NCOA7: variants seen among roughly 807,000 people sequenced by gnomAD.
The protein encoded by NCOA7 is nuclear receptor coactivator 7, also known as 140 kDa estrogen receptor-associated protein.
A neutral mutation model predicts 104.3 loss-of-function variants in NCOA7; 45 were observed. That is an observed-to-expected ratio of 0.43 (90% confidence interval 0.34 to 0.55). NCOA7 has a LOEUF of 0.55. Among genes scored for constraint, NCOA7 ranks in the 20% least tolerant of loss-of-function variants. The pLI is 0.02. For synonymous variants in NCOA7, 398 were observed against 402.3 expected, an observed-to-expected ratio of 0.99 and a Z score of 0.13; for missense variants, 1,041 against 1,119.7, an observed-to-expected ratio of 0.93 and a Z score of 1.00.
At chr6:125,792,416 A>C (rs907136276) in intron 1 of NCOA7, among the ~76,000 whole-genome samples, 1 of 152,222 alleles carries the variant, frequency 6.6e-6, no homozygotes, top group African/African-American at 2.4e-5. Context: ...AATCATGCCA[A>C]CTTCAACTGT....
intron 2 of NCOA7, among the ~76,000 whole-genome samples, chr6:125,834,979 A>G (rs1030930176): frequency 5.3e-5 from 8 of 152,204 alleles, no homozygotes; most frequent in African/African-American, 1.9e-4. Context: ...TCTGGAGATG[A>G]ATACATAGCT....
intron 10 of NCOA7, among the ~76,000 whole-genome samples, chr6:125,893,739 A>C (rs1165334163): frequency 6.6e-6 from 1 of 152,190 alleles, no homozygotes; most frequent in Non-Finnish European, 1.5e-5. Context: ...TAGAGATGTG[A>C]AGTAGTTAAA....
intron 1 of NCOA7, among the ~76,000 whole-genome samples, chr6:125,785,763 A>G (rs573227667): frequency 3.1e-4 from 47 of 152,364 alleles, no homozygotes; most frequent in African/African-American, 1.1e-3. Context: ...TCAAAAGCAG[A>G]TATTTTTAAA....
intron 1 of NCOA7, among the ~76,000 whole-genome samples, chr6:125,813,240 A>G (rs564997627): frequency 6.6e-6 from 1 of 152,136 alleles, no homozygotes; most frequent in African/African-American, 2.4e-5. Context: ...GGCCTCTGAC[A>G]AGGTGCAGTG....
chr6:125,828,316 A>G (rs1223687335), intron 2 of NCOA7, among the ~76,000 whole-genome samples: 2 of 152,248 alleles, frequency 1.3e-5, no homozygotes, highest in Non-Finnish European at 2.9e-5. Context: ...GAGGTAAATT[A>G]AGATGAGGAC....
intron 2 of NCOA7, among the ~76,000 whole-genome samples, chr6:125,832,777 G>T (rs1779294041): frequency 1.3e-5 from 2 of 152,228 alleles, no homozygotes; most frequent in Admixed American, 1.3e-4. Flanking sequence ...CTGGGGAAGT[G>T]CTGCTACAAA....
intron 2 of NCOA7, among the ~76,000 whole-genome samples, chr6:125,822,896 C>G (rs1778313461): frequency 6.7e-6 from 1 of 150,126 alleles, no homozygotes; most frequent in South Asian, 2.1e-4. Flanking sequence ...GATTGCTCTA[C>G]TGCCCTCCAG....
chr6:125,906,446 G>T (rs922069959), intron 10 of NCOA7, among the ~76,000 whole-genome samples: 8 of 152,148 alleles, frequency 5.3e-5, no homozygotes, highest in Non-Finnish European at 1.0e-4. Context: ...GCCAAGATTA[G>T]CTGCCTTTGT....
At chr6:125,804,389 C>G (rs1741383615) in intron 1 of NCOA7, among the ~76,000 whole-genome samples, 1 of 152,162 alleles carries the variant, frequency 6.6e-6, no homozygotes, top group African/African-American at 2.4e-5. Flanking sequence ...AGAAACTCCA[C>G]TGTGGGTGAG....
intron 1 of NCOA7, among the ~76,000 whole-genome samples, chr6:125,814,697 G>C (rs564893642): frequency 4.2e-4 from 64 of 152,236 alleles, no homozygotes; most frequent in Non-Finnish European, 7.1e-4. Flanking sequence ...GGTGAGGGTC[G>C]CAGGGGTGGA....
chr6:125,801,579 G>A (rs776086455), intron 1 of NCOA7, among the ~76,000 whole-genome samples: 15 of 152,226 alleles, frequency 9.9e-5, no homozygotes, highest in Non-Finnish European at 1.9e-4. Flanking sequence ...CTGGAAGCTA[G>A]ATGTTCAAAA....
At chr6:125,891,292 G>T (rs565051893) in intron 10 of NCOA7, among the ~76,000 whole-genome samples, 4 of 152,268 alleles carry the variant, frequency 2.6e-5, no homozygotes, top group African/African-American at 4.8e-5. Context: ...ATAGTCTCAA[G>T]GGTTGTATAC....
At chr6:125,845,715 C>A (rs1413964641) in intron 2 of NCOA7, among the ~76,000 whole-genome samples, 1 of 152,130 alleles carries the variant, frequency 6.6e-6, no homozygotes, top group Non-Finnish European at 1.5e-5. Flanking sequence ...TGCAGTGAGC[C>A]AAGATCGCGC....
chr6:125,796,841 G>C (rs112044427), intron 1 of NCOA7: 10,104 of 152,088 alleles, frequency 0.066, 398 homozygotes, highest in Middle Eastern at 0.092. Context: ...TTTTAGTAGA[G>C]ACAGGATTTC....
At chr6:125,891,377 G>C (rs1373668046) in intron 10 of NCOA7, among the ~76,000 whole-genome samples, 1 of 152,184 alleles carries the variant, frequency 6.6e-6, no homozygotes, top group Non-Finnish European at 1.5e-5. Flanking sequence ...GGATAGGAGG[G>C]ATAGTGGCAT....
chr6:125,899,490 G>A (rs970248944), intron 10 of NCOA7, among the ~76,000 whole-genome samples: 17 of 152,070 alleles, frequency 1.1e-4, no homozygotes, highest in African/African-American at 4.1e-4. Context: ...TACAAACCCT[G>A]TGATTCGTAA....
chr6:125,799,968 A>G (rs1775735382), intron 1 of NCOA7, among the ~76,000 whole-genome samples: 1 of 152,206 alleles, frequency 6.6e-6, no homozygotes, highest in African/African-American at 2.4e-5. Context: ...TTAGGTTCTC[A>G]GTCTTACAGA....
At position 125,928,347 on chromosome 6, in the gene NCOA7, T is replaced by C. The variant is rs969411537; in HGVS notation, c.2693+100T>C. The stretch of plus-strand genomic sequence containing the variant: ...TAGTTAAAACTTCGGTGTCAGGTTA[T>C]TTTAGCTAGTCCATGTGCTTAGATG... On this transcript the variant is annotated intron_variant, in intron 15 of 15. Transcript: ENST00000392477. The C allele has an allele frequency of 2.9e-6, 3 of 1,051,256 alleles. No individual in the cohort carries two copies. In the African/African-American group the frequency reaches 4.8e-5, roughly 17 times the overall value. The allele number at this position is 1,051,256 out of a possible 1,614,324, so 65.1% of individuals were successfully genotyped here.
chr6:125,794,162 C>A (rs1016034827), intron 1 of NCOA7, among the ~76,000 whole-genome samples: 3 of 152,126 alleles, frequency 2.0e-5, no homozygotes, highest in Admixed American at 2.0e-4. Context: ...ATGTTACTTT[C>A]GAAATGTGGT....
Sources: allele counts gnomAD v4.1 joint callset (sites outside exome capture counted in the v4.1 genomes callset), GRCh38; gene constraint gnomAD v4.1.1; transcripts MANE v1.5; gene names NCBI Gene and HGNC (gene_info 2026-07-23, HGNC 2026-07-21).